Variants in ORC5 observed in about 807,000 individuals in gnomAD.
ORC5 encodes the protein protein phosphatase 1, regulatory subunit 117.
Under a neutral mutation model 58.8 loss-of-function variants are expected in ORC5, and 39 were observed. The ratio of observed to expected loss-of-function variants is 0.66; its 90% CI spans 0.51 to 0.87. The LOEUF (loss-of-function observed/expected upper bound fraction) is 0.87, where lower values mean the gene tolerates loss of function less well. Ranked by LOEUF, ORC5 falls within the 40% of genes least tolerant of loss-of-function variation. The pLI is 0.00. For synonymous variants in ORC5, 218 were observed against 177.6 expected (o/e 1.23, Z -1.81); for missense variants, 493 against 506.3 (o/e 0.97, Z 0.25).
intron 12 of ORC5, among the ~76,000 whole-genome samples, chr7:104,154,493 T>C (rs1000380718): frequency 6.6e-6 from 1 of 151,998 alleles, no homozygotes; most frequent in South Asian, 2.1e-4. Flanking sequence ...AGTAAATACA[T>C]ATATACACCA....
At position 104,129,403 on chromosome 7, in the gene ORC5, G is replaced by T. The variant is rs892763469; in HGVS notation, c.1263-2510C>A. On this transcript the variant is annotated intron_variant, in intron 13 of 13. Coordinates refer to ENST00000297431, the MANE Select transcript of ORC5 (RefSeq NM_002553.4). The surrounding 1 kb of genome is among the most constrained non-coding windows in gnomAD (Gnocchi z 4.9). ...TAAGAGTTTTAGATTAAAAAAAATC[G>T]ATCAGGAATTGAATATAAAATCATT... Among the ~76,000 whole-genome samples, 1 of 151,922 alleles carries T rather than the reference G, an allele frequency of 6.6e-6. No individual in the cohort carries two copies. Among genetic ancestry groups the T allele is most frequent in the Admixed American group, 6.6e-5 (1 of 15,254 alleles).
intron 4 of ORC5, 53 bp from the exon 5 acceptor site, chr7:104,195,307 G>A: frequency 8.1e-6 from 8 of 992,506 alleles, no homozygotes; most frequent in Non-Finnish European, 1.2e-5. Context: ...CTTAATCGGA[G>A]CAGTATTTCC....
At chr7:104,201,824 T>C (rs1799951382) in intron 2 of ORC5, among the ~76,000 whole-genome samples, 2 of 152,132 alleles carry the variant, frequency 1.3e-5, no homozygotes, top group African/African-American at 2.4e-5. Context: ...GCTAGGCATA[T>C]GGCTCCTGCC....
chr7:104,127,363 A>C (rs1798444783), intron 13 of ORC5, among the ~76,000 whole-genome samples: 1 of 152,208 alleles, frequency 6.6e-6, no homozygotes, highest in Non-Finnish European at 1.5e-5. Context: ...TCAGTCTTTT[A>C]ACGCTGGCTG....
At chr7:104,206,136 G>A (rs1332961782) in intron 1 of ORC5, among the ~76,000 whole-genome samples, 1 of 152,056 alleles carries the variant, frequency 6.6e-6, no homozygotes, top group African/African-American at 2.4e-5. Flanking sequence ...GAATTATATT[G>A]AACTGTTCCA....
At chr7:104,152,962 T>C (rs1287217357) in intron 12 of ORC5, among the ~76,000 whole-genome samples, 1 of 152,186 alleles carries the variant, frequency 6.6e-6, no homozygotes, top group Non-Finnish European at 1.5e-5. Context: ...GCTGCAATTA[T>C]ACATTCACAA....
At chr7:104,188,870 C>CACTT (rs1363170741) in intron 5 of ORC5, among the ~76,000 whole-genome samples, 1 of 151,966 alleles carries the variant, frequency 6.6e-6, no homozygotes, top group Non-Finnish European at 1.5e-5. Flanking sequence ...AAGTGTGCAG[C>CACTT]ACTTCCCCCT....
intron 9 of ORC5, 145 bp downstream of exon 9, chr7:104,168,328 A>C (rs1799142203): frequency 7.8e-7 from 1 of 1,277,068 alleles, no homozygotes. Context: ...AAAAATCATT[A>C]ATCAAAATAG....
chr7:104,179,155 C>T (rs1438545988), intron 8 of ORC5, among the ~76,000 whole-genome samples: 2 of 148,434 alleles, frequency 1.3e-5, no homozygotes, highest in African/African-American at 2.5e-5. Flanking sequence ...CACCATGTTT[C>T]CCAGGCTGGT....
intron 12 of ORC5, among the ~76,000 whole-genome samples, chr7:104,152,867 A>AT (rs1214591941): frequency 6.6e-6 from 1 of 152,172 alleles, no homozygotes; most frequent in South Asian, 2.1e-4. Flanking sequence ...AATTTATGCA[A>AT]TTTTTTAAAT....
chr7:104,163,680 C>A (rs145560125), intron 11 of ORC5, among the ~76,000 whole-genome samples: 6,763 of 151,996 alleles, frequency 0.044, 496 homozygotes, highest in African/African-American at 0.15. Flanking sequence ...TTTAGTAGAG[C>A]CGGGGTTTCA....
chr7:104,145,050 A>C (rs758720046), intron 12 of ORC5, among the ~76,000 whole-genome samples: 2 of 152,194 alleles, frequency 1.3e-5, no homozygotes, highest in Non-Finnish European at 2.9e-5. Flanking sequence ...AAGACACAGA[A>C]CAGGATGGGC....
chr7:104,183,848 T>C, intron 8 of ORC5, 95 bp downstream of exon 8: 1 of 808,176 alleles, frequency 1.2e-6, no homozygotes, highest in Non-Finnish European at 2.0e-6. Flanking sequence ...GATATCTTTT[T>C]CTTTTAGAGT....
At chr7:104,169,156 C>T (rs1377293115) in intron 8 of ORC5, among the ~76,000 whole-genome samples, 1 of 152,172 alleles carries the variant, frequency 6.6e-6, no homozygotes, top group South Asian at 2.1e-4. Context: ...TTCTAGTTAC[C>T]GTATTAGATG....
At chr7:104,196,437 CAAAG>C (rs1038017926) in intron 4 of ORC5, among the ~76,000 whole-genome samples, 15 of 152,128 alleles carry the variant, frequency 9.9e-5, no homozygotes, top group African/African-American at 3.4e-4. Context: ...GTTAATGAAA[CAAAG>C]AAAAGCAAGA....
intron 12 of ORC5, among the ~76,000 whole-genome samples, chr7:104,147,983 G>A (rs1412681138): frequency 6.6e-6 from 1 of 152,074 alleles, no homozygotes; most frequent in South Asian, 2.1e-4. Context: ...TCTAGCAGAG[G>A]ATATGGACAA....
rs1284732237 is a variant in ORC5, at chr7:104,138,578, T to C, written c.1150-1685A>G. 6.6e-6 allele frequency among the ~76,000 whole-genome samples: 1 copy of C among 152,054 alleles called. No individual in the cohort carries two copies. Among genetic ancestry groups the C allele is most frequent in the East Asian group, 1.9e-4 (1 of 5,178 alleles). On this transcript the variant is annotated intron_variant, in intron 12 of 13. Transcript: ENST00000297431. This position sits in a 1 kb window ranked among gnomAD's most constrained non-coding sequence, Gnocchi z 4.7. ...ATGCTGGATTGCAGTGGCGCAATCATGGCTCACTGCAGCCTCAACCTCCCC... is the reference window on the plus strand; with the variant it reads ...ATGCTGGATTGCAGTGGCGCAATCACGGCTCACTGCAGCCTCAACCTCCCC...
intron 8 of ORC5, among the ~76,000 whole-genome samples, chr7:104,172,324 AG>A (rs1184595623): frequency 6.6e-6 from 1 of 152,244 alleles, no homozygotes; most frequent in East Asian, 1.9e-4. Context: ...TCCTACATTT[AG>A]AAGATCACAA....
At chr7:104,145,720 A>T (rs1392850548) in intron 12 of ORC5, among the ~76,000 whole-genome samples, 1 of 152,170 alleles carries the variant, frequency 6.6e-6, no homozygotes, top group East Asian at 1.9e-4. Context: ...TCTGAAAGGT[A>T]GAAAGAGGTA....
Sources: gnomAD v4.1 joint callset for allele counts (sites outside exome capture counted in the v4.1 genomes callset) on GRCh38, gnomAD v4.1.1 for gene constraint, Gnocchi (gnomAD v3.1) non-coding constraint, MANE v1.5 for transcripts, NCBI Gene and HGNC (gene_info 2026-07-23, HGNC 2026-07-21) for gene names.